RORA: variants seen among roughly 807,000 people sequenced by gnomAD.
The protein encoded by RORA is RAR related orphan receptor A, also known as nuclear receptor ROR-alpha.
A neutral mutation model predicts 69.5 loss-of-function variants in RORA; 7 were observed. The ratio of observed to expected loss-of-function variants is 0.10; its 90% CI spans 0.06 to 0.19. The LOEUF is 0.19. Ranked by LOEUF, RORA falls within the 10% of genes least tolerant of loss-of-function variation. The probability of loss-of-function intolerance (pLI) is 1.00; values close to 1 mark genes in which losing one functional copy is unlikely to be tolerated. For missense variants in RORA, 457 were observed against 663.0 expected (o/e 0.69, Z 3.41); for synonymous variants, 261 against 240.8 (o/e 1.08, Z -0.78).
chr15:60,817,074 T>C (rs1046950651), intron 1 of RORA, among the ~76,000 whole-genome samples: 4 of 152,242 alleles, frequency 2.6e-5, no homozygotes, highest in African/African-American at 4.8e-5. Flanking sequence ...GATACACGTA[T>C]GCATTGTGAA....
At chr15:60,536,860 A>G (rs960379000) in intron 2 of RORA, among the ~76,000 whole-genome samples, 1 of 152,184 alleles carries the variant, frequency 6.6e-6, no homozygotes, top group African/African-American at 2.4e-5. Flanking sequence ...TTTTACACAG[A>G]TCTGTTGATG....
chr15:61,049,335 G>C (rs1046317466), intron 1 of RORA, among the ~76,000 whole-genome samples: 3 of 152,112 alleles, frequency 2.0e-5, no homozygotes, highest in African/African-American at 7.2e-5. Context: ...CTCCCATTTG[G>C]ATTTAATGCA....
intron 1 of RORA, among the ~76,000 whole-genome samples, chr15:60,747,188 C>T (rs7172011): frequency 0.21 from 32,064 of 152,170 alleles, 4,265 homozygotes; most frequent in African/African-American, 0.37. Flanking sequence ...TATGGCCCAC[C>T]TCCCAGATAA....
chr15:61,052,462 C>T (rs1292070741), intron 1 of RORA, among the ~76,000 whole-genome samples: 2 of 152,144 alleles, frequency 1.3e-5, no homozygotes, highest in African/African-American at 2.4e-5. Flanking sequence ...TAGTATCGTA[C>T]GATGCTGATA....
At chr15:60,805,699 A>G (rs1307650743) in intron 1 of RORA, among the ~76,000 whole-genome samples, 2 of 152,226 alleles carry the variant, frequency 1.3e-5, no homozygotes, top group Admixed American at 1.3e-4. Flanking sequence ...TCTAGAGCCC[A>G]GTAGGCTCCT....
intron 2 of RORA, among the ~76,000 whole-genome samples, chr15:60,652,816 T>C (rs17237318): frequency 0.15 from 22,656 of 152,254 alleles, 1,935 homozygotes; most frequent in Middle Eastern, 0.28. Context: ...GTTCCCGCTA[T>C]ACAAATAGGT....
chr15:60,864,484 G>GTT (rs11388901), intron 1 of RORA, among the ~76,000 whole-genome samples: 303 of 147,548 alleles, frequency 2.1e-3, no homozygotes, highest in African/African-American at 3.5e-3. Flanking sequence ...TACCATCCTT[G>GTT]TTTTTTTTTT....
At chr15:60,691,003 G>A (rs1264827401) in intron 1 of RORA, among the ~76,000 whole-genome samples, 1 of 152,168 alleles carries the variant, frequency 6.6e-6, no homozygotes, top group African/African-American at 2.4e-5. Flanking sequence ...CGGCCTGCCT[G>A]GTTCTCCGAC....
intron 1 of RORA, among the ~76,000 whole-genome samples, chr15:60,738,503 C>T (rs2071532114): frequency 1.3e-5 from 2 of 151,760 alleles, no homozygotes; most frequent in South Asian, 2.1e-4. Flanking sequence ...GTGCTTTTGG[C>T]TTCACAAGCC....
chr15:60,523,475 G>C (rs1243218405), intron 3 of RORA, among the ~76,000 whole-genome samples: 1 of 152,152 alleles, frequency 6.6e-6, no homozygotes, highest in African/African-American at 2.4e-5. Flanking sequence ...AGATACCAAA[G>C]TTATCTACAT....
intron 1 of RORA, among the ~76,000 whole-genome samples, chr15:60,754,882 A>G (rs1454828069): frequency 6.6e-6 from 1 of 151,700 alleles, no homozygotes; most frequent in Non-Finnish European, 1.5e-5. Flanking sequence ...CTTTCCTTCT[A>G]ATGTCTGTGG....
rs1596046148 is a variant in RORA, at chr15:60,604,834, A to C, written c.197-72983T>G. Among the ~76,000 whole-genome samples the C allele has an allele frequency of 1.3e-5, 2 of 152,258 alleles. 1 individual carries two copies. The highest frequency in any genetic ancestry group is 4.1e-4 in the South Asian group (2 of 4,830). ...TCTCCTGTACAACTGAAAAACTAAC[A>C]CCTATCTTTAGAGATGTTTTTAAGA... On this transcript the variant is annotated intron_variant, in intron 2 of 10. Coordinates refer to ENST00000335670, the MANE Select transcript of RORA (RefSeq NM_134261.3).
intron 1 of RORA, among the ~76,000 whole-genome samples, chr15:60,852,935 G>C (rs1394679372): frequency 6.6e-6 from 1 of 152,198 alleles, no homozygotes; most frequent in Non-Finnish European, 1.5e-5. Context: ...GGCTGGTCCA[G>C]GTGGGACAAA....
At chr15:61,218,175 TTGTGTGTGTGTGTGTGTG>T (rs72135304) in intron 1 of RORA, among the ~76,000 whole-genome samples, 1 of 148,296 alleles carries the variant, frequency 6.7e-6, no homozygotes, top group Non-Finnish European at 1.5e-5. Flanking sequence ...CATGAAATGT[TTGTGTGTGTGTGTGTGTG>T]TGTGTGTGTG....
At chr15:61,138,737 G>C (rs187165747) in intron 1 of RORA, among the ~76,000 whole-genome samples, 1 of 151,466 alleles carries the variant, frequency 6.6e-6, no homozygotes, top group Non-Finnish European at 1.5e-5. Context: ...TGCTCTGAGG[G>C]GGAAAAAAAG....
chr15:61,198,753 C>T (rs2079868865), intron 1 of RORA, among the ~76,000 whole-genome samples: 1 of 151,902 alleles, frequency 6.6e-6, no homozygotes, highest in African/African-American at 2.4e-5. Context: ...CTGATGCCAC[C>T]CCCAACTCAA....
At chr15:61,099,435 C>G (rs936434400) in intron 1 of RORA, among the ~76,000 whole-genome samples, 1 of 152,316 alleles carries the variant, frequency 6.6e-6, no homozygotes, top group Middle Eastern at 3.4e-3. Context: ...TTCCTTGGAA[C>G]ATTACCTCCC....
chr15:61,214,557 C>T (rs1567040675), intron 1 of RORA, among the ~76,000 whole-genome samples: 1 of 152,144 alleles, frequency 6.6e-6, no homozygotes, highest in Non-Finnish European at 1.5e-5. Flanking sequence ...TTCTAGATTA[C>T]CAGATGGTGG....
chr15:60,591,503 A>G (rs1352652206), intron 2 of RORA, among the ~76,000 whole-genome samples: 2 of 151,920 alleles, frequency 1.3e-5, no homozygotes, highest in Non-Finnish European at 2.9e-5. Context: ...CCCTCCAACC[A>G]AATCCCCCTC....
Sources: allele counts gnomAD v4.1 joint callset (sites outside exome capture counted in the v4.1 genomes callset), GRCh38; gene constraint gnomAD v4.1.1; transcripts MANE v1.5; gene names NCBI Gene and HGNC (gene_info 2026-07-23, HGNC 2026-07-21).